The following ZNF75D variants were observed in gnomAD, a reference collection of about 807,000 sequenced individuals.
ZNF75D encodes the protein zinc finger protein 75.
In ZNF75D, 33 loss-of-function variants were observed where a neutral mutation model predicts 33.3. That is an observed-to-expected ratio of 0.99 (90% CI 0.75 to 1.32). ZNF75D has a LOEUF of 1.32. ZNF75D is among the 40% of genes most tolerant of loss of function. The pLI, the probability that ZNF75D is intolerant of heterozygous loss-of-function variation, is 0.00. For synonymous variants in ZNF75D, 113 were observed against 130.6 expected (o/e 0.87, Z 0.92); for missense variants, 338 against 367.5 (o/e 0.92, Z 0.66).
At chrX:135,279,665 C>G (rs2083912875) in intron 1 of ZNF75D, among the ~76,000 whole-genome samples, 1 of 111,449 alleles carries the variant, frequency 9.0e-6, no homozygotes, top group African/African-American at 3.3e-5. Flanking sequence ...TAGCTGTGTC[C>G]CAGAGATTCT....
intron 1 of ZNF75D, among the ~76,000 whole-genome samples, chrX:135,259,570 G>T (rs1556415132): frequency 9.0e-6 from 1 of 111,359 alleles, no homozygotes; most frequent in Non-Finnish European, 1.9e-5. Flanking sequence ...GTGAATGGGG[G>T]TTCATTCATG....
At chrX:135,298,707 A>G (rs185889511) in intron 1 of ZNF75D, 59 of 111,826 alleles carry the variant, frequency 5.3e-4, no homozygotes, top group African/African-American at 1.8e-3. Context: ...TGTGGCAATC[A>G]ATTATAGAAT....
intron 3 of ZNF75D, among the ~76,000 whole-genome samples, chrX:135,250,490 A>G (rs2083777470): frequency 9.3e-6 from 1 of 107,520 alleles, no homozygotes; most frequent in Non-Finnish European, 1.9e-5. Flanking sequence ...AGGAACAGAC[A>G]GTGCCAAAAA....
intron 1 of ZNF75D, among the ~76,000 whole-genome samples, chrX:135,269,016 T>C (rs1411742252): frequency 8.9e-6 from 1 of 111,881 alleles, no homozygotes; most frequent in East Asian, 2.8e-4. Context: ...GTCTGTTCAA[T>C]AAATGGTGCT....
In ZNF75D at chrX:135,341,939, C is replaced by T. The variant is rs1195245000; in HGVS notation, c.-562G>A. ...TATGTACCTCTTGACCTTGAAAATG[C>T]TTTTTTTCTCAATAACTGTTAGTAA... On this transcript the variant is annotated 5_prime_UTR_variant, in exon 1 of 7. Transcript: ENST00000370766. 3.6e-5 allele frequency: 4 copies of T among 112,073 alleles called. No homozygotes were observed. Among genetic ancestry groups the T allele is most frequent in the Admixed American group, 9.4e-5 (1 of 10,636 alleles). The allele number at this position is 112,073 out of a possible 1,213,427, so 9.2% of individuals were successfully genotyped here. A position where few individuals can be genotyped will look rare whatever the true frequency, so the allele number is the denominator to read the frequency against.
At chrX:135,257,711 G>A (rs781879164) in intron 1 of ZNF75D, among the ~76,000 whole-genome samples, 91 of 112,257 alleles carry the variant, frequency 8.1e-4, no homozygotes, top group Non-Finnish European at 1.6e-3. Context: ...GCCAGTGCCA[G>A]GTGTTCAGCA....
chrX:135,272,345 A>G (rs1422443835), intron 1 of ZNF75D, among the ~76,000 whole-genome samples: 1 of 104,671 alleles, frequency 9.6e-6, no homozygotes, highest in African/African-American at 3.5e-5. Flanking sequence ...TCCTGCTCAT[A>G]TCCAGCTATC....
At chrX:135,309,950 A>C (rs1183332245) in intron 1 of ZNF75D, among the ~76,000 whole-genome samples, 3 of 111,603 alleles carry the variant, frequency 2.7e-5, no homozygotes, top group African/African-American at 9.8e-5. Context: ...CTCCCCCATC[A>C]ATCTGAAAAA....
At chrX:135,308,527 CACAGGCTTCAGAT>C (rs1556426478) in intron 1 of ZNF75D, among the ~76,000 whole-genome samples, 1 of 111,964 alleles carries the variant, frequency 8.9e-6, no homozygotes, top group African/African-American at 3.2e-5. Flanking sequence ...TGGGTAAAAA[CACAGGCTTCAGAT>C]ACAGGCTTTT....
intron 1 of ZNF75D, among the ~76,000 whole-genome samples, chrX:135,306,302 C>CAA (rs1277087503): frequency 9.3e-6 from 1 of 107,636 alleles, no homozygotes; most frequent in Non-Finnish European, 1.9e-5. Flanking sequence ...CACACACACA[C>CAA]ACACACACAC....
intron 1 of ZNF75D, among the ~76,000 whole-genome samples, chrX:135,334,456 C>T (rs1190415674): frequency 8.9e-6 from 1 of 112,165 alleles, no homozygotes; most frequent in Admixed American, 9.4e-5. Flanking sequence ...CCTGAAGAAC[C>T]AATGCCAAAT....
At chrX:135,340,686 C>T (rs782683547) in intron 1 of ZNF75D, among the ~76,000 whole-genome samples, 4 of 111,858 alleles carry the variant, frequency 3.6e-5, no homozygotes, top group Non-Finnish European at 7.5e-5. Context: ...GGAGTACAGG[C>T]GTAAGCCACT....
At chrX:135,264,411 G>C in intron 1 of ZNF75D, among the ~76,000 whole-genome samples, 1 of 111,459 alleles carries the variant, frequency 9.0e-6, no homozygotes, top group East Asian at 2.8e-4. Context: ...GCCTTCCCCA[G>C]AAGGACAAGC....
chrX:135,296,968 C>T (rs2084139670), intron 1 of ZNF75D: 1 of 112,083 alleles, frequency 8.9e-6, no homozygotes, highest in Non-Finnish European at 1.9e-5. Context: ...GCATAGTTCT[C>T]TGGGCAAGGT....
intron 1 of ZNF75D, among the ~76,000 whole-genome samples, chrX:135,313,761 G>A (rs1569493163): frequency 9.0e-6 from 1 of 111,354 alleles, no homozygotes; most frequent in Non-Finnish European, 1.9e-5. Flanking sequence ...AATGGAAGTG[G>A]TATTGTCTTC....
In ZNF75D at chrX:135,279,205, G is replaced by A. The variant is rs1175599691; in HGVS notation, n.828-23428C>T. ...TATTCAGGGATTCGACTTCTGCCTT[G>A]TGTAGTCTTGGGAGGGTGTATGTGT... On this transcript the variant is annotated intron_variant and non_coding_transcript_variant, in intron 1 of 3. Coordinates refer to the ZNF75D transcript ENST00000494295. Among the ~76,000 whole-genome samples, 5 of 111,736 alleles carry A rather than the reference G, an allele frequency of 4.5e-5. No individual in the cohort carries two copies. The Admixed American group carries it at 4.7e-4, about 11-fold the overall frequency.
chrX:135,285,122 C>T (rs2083936361), downstream of ZNF75D, among the ~76,000 whole-genome samples: 1 of 111,541 alleles, frequency 9.0e-6, no homozygotes, highest in Non-Finnish European at 1.9e-5. Context: ...GAGATCCTTT[C>T]CTCCCAGGTC....
chrX:135,316,829 A>G (rs2084426726), intron 1 of ZNF75D, among the ~76,000 whole-genome samples: 1 of 108,905 alleles, frequency 9.2e-6, no homozygotes, highest in Non-Finnish European at 1.9e-5. Flanking sequence ...ATTTTTTTTA[A>G]TGATAGATAT....
At chrX:135,306,295 AC>A in intron 1 of ZNF75D, among the ~76,000 whole-genome samples, 1 of 49,250 alleles carries the variant, frequency 2.0e-5, no homozygotes, top group South Asian at 2.0e-3. Flanking sequence ...ACATACACAC[AC>A]ACACACACAC....
Sources: gnomAD v4.1 joint callset for allele counts (sites outside exome capture counted in the v4.1 genomes callset) on GRCh38, gnomAD v4.1.1 for gene constraint, MANE v1.5 for transcripts, NCBI Gene and HGNC (gene_info 2026-07-23, HGNC 2026-07-21) for gene names.